Variants in CHRM2 observed in about 807,000 individuals in gnomAD.
CHRM2 encodes cholinergic receptor muscarinic 2, also known as muscarinic acetylcholine receptor M2.
Under a neutral mutation model 25.0 loss-of-function variants are expected in CHRM2, and 8 were observed. That is an observed-to-expected ratio of 0.32 (90% CI 0.19 to 0.58). The LOEUF (loss-of-function observed/expected upper bound fraction) is 0.58, where lower values mean the gene tolerates loss of function less well. Among genes scored for constraint, CHRM2 ranks in the 20% least tolerant of loss-of-function variants. CHRM2 has a pLI of 0.88. For missense variants in CHRM2, 440 were observed against 567.1 expected, an observed-to-expected ratio of 0.78 and a Z score of 2.28; for synonymous variants, 202 against 205.7, an observed-to-expected ratio of 0.98 and a Z score of 0.15.
At chr7:136,984,352 C>A (rs144404254) in intron 2 of CHRM2, among the ~76,000 whole-genome samples, 2,123 of 152,236 alleles carry the variant, frequency 0.014, 39 homozygotes, top group African/African-American at 0.049. Context: ...GAATTTCAAG[C>A]CAGTGGATCT....
At chr7:136,888,163 T>C (rs1796541989) in intron 2 of CHRM2, among the ~76,000 whole-genome samples, 1 of 152,228 alleles carries the variant, frequency 6.6e-6, no homozygotes, top group Non-Finnish European at 1.5e-5. Context: ...CTGCAATATT[T>C]AAGCAGGAGA....
At chr7:136,952,978 T>C (rs1800506629) in intron 2 of CHRM2, among the ~76,000 whole-genome samples, 1 of 152,190 alleles carries the variant, frequency 6.6e-6, no homozygotes, top group African/African-American at 2.4e-5. Context: ...CAGTCTATCA[T>C]TATGGGCATT....
At chr7:137,011,370 A>C (rs1804815432) in intron 3 of CHRM2, among the ~76,000 whole-genome samples, 1 of 151,664 alleles carries the variant, frequency 6.6e-6, no homozygotes. Context: ...GGATGGTGTA[A>C]CTCTTAGAAT....
intron 3 of CHRM2, among the ~76,000 whole-genome samples, chr7:137,000,547 A>AAGGAAGGAAAGAAGGAAGGAAG (rs1554434051): frequency 7.4e-5 from 7 of 95,206 alleles, no homozygotes; most frequent in African/African-American, 2.5e-4. Context: ...AAAGAAAGAA[A>AAGGAAGGAAAGAAGGAAGGAAG]GAAGGAAGGA....
intron 2 of CHRM2, among the ~76,000 whole-genome samples, chr7:136,894,719 G>GA (rs902130170): frequency 1.1e-4 from 17 of 151,790 alleles, no homozygotes; most frequent in African/African-American, 4.1e-4. Context: ...TTTTCAATCA[G>GA]AAAAAAATGT....
At chr7:136,967,952 T>A (rs1052110861) in intron 2 of CHRM2, among the ~76,000 whole-genome samples, 1 of 151,982 alleles carries the variant, frequency 6.6e-6, no homozygotes, top group Admixed American at 6.6e-5. Context: ...TCATTCACAC[T>A]TCATACACAA....
chr7:136,910,455 A>G (rs1212475669), intron 2 of CHRM2, among the ~76,000 whole-genome samples: 2 of 151,904 alleles, frequency 1.3e-5, no homozygotes, highest in Non-Finnish European at 2.9e-5. Context: ...AGGCCCTTAT[A>G]TGAAAGCACC....
intron 2 of CHRM2, among the ~76,000 whole-genome samples, chr7:136,920,213 G>A (rs1055571034): frequency 7.2e-5 from 11 of 152,054 alleles, no homozygotes; most frequent in African/African-American, 2.7e-4. Flanking sequence ...CTTGTCAGCT[G>A]TTGCTGTCAA....
intron 3 of CHRM2, among the ~76,000 whole-genome samples, chr7:137,010,827 C>T (rs569945545): frequency 7.4e-4 from 112 of 152,014 alleles, no homozygotes; most frequent in Admixed American, 1.6e-3. Flanking sequence ...AAACTAGCAA[C>T]CTCTGAGTGT....
intron 3 of CHRM2, among the ~76,000 whole-genome samples, chr7:137,010,160 T>C (rs1013658068): frequency 6.6e-6 from 1 of 152,092 alleles, no homozygotes. Flanking sequence ...GAAATTTAAA[T>C]GACATGCTCA....
At chr7:136,995,349 C>G (rs1803523359) in intron 3 of CHRM2, among the ~76,000 whole-genome samples, 1 of 151,904 alleles carries the variant, frequency 6.6e-6, no homozygotes, top group African/African-American at 2.4e-5. Context: ...TATTTGTATA[C>G]CGAAAAATTA....
At chr7:136,894,168 T>G in intron 2 of CHRM2, among the ~76,000 whole-genome samples, 1 of 152,250 alleles carries the variant, frequency 6.6e-6, no homozygotes, top group South Asian at 2.1e-4. Flanking sequence ...TTTAGAATGA[T>G]AAAAACAGAA....
Position 137,018,534 on chromosome 7 carries a change from G to A in CHRM2, c.*2268G>A, listed in dbSNP as rs1044921465. On this transcript the variant is annotated 3_prime_UTR_variant, in exon 4 of 4. Transcript: ENST00000680005. ...CTAGCCAAGTATTTCCCTTTTTAAT[G>A]TATTGTATTATTATTATGTAGATTT... 6.6e-6 allele frequency: 1 copy of A among 151,886 alleles called. No homozygotes were observed. The highest frequency in any genetic ancestry group is 1.9e-4 in the East Asian group (1 of 5,142). The allele number at this position is 151,886 out of a possible 1,614,324, so 9.4% of individuals were successfully genotyped here.
At chr7:136,877,193 G>A (rs1563039599) in intron 2 of CHRM2, among the ~76,000 whole-genome samples, 1 of 152,036 alleles carries the variant, frequency 6.6e-6, no homozygotes, top group Non-Finnish European at 1.5e-5. Context: ...AGAGAGCTTT[G>A]CTGTAGCCGG....
In CHRM2 at chr7:136,886,793, C is replaced by T. The variant is rs139397900; in HGVS notation, c.-125+17375C>T. Among the ~76,000 whole-genome samples, 599 of 152,140 alleles carry T rather than the reference C, an allele frequency of 3.9e-3. 2 individuals are homozygous for T. The highest frequency in any genetic ancestry group is 0.014 in the African/African-American group (567 of 41,494). ...AGGCTGAGGGGGAGGATCATTTGAG[C>T]CCCCAGCAGGTCGAGGCTGCAGTGA... is the stretch of plus-strand genomic sequence containing the variant. On this transcript the variant is annotated intron_variant, in intron 2 of 3. Transcript: ENST00000680005.
At chr7:136,938,540 G>A in intron 2 of CHRM2, 1 of 926,344 alleles carries the variant, frequency 1.1e-6, no homozygotes, top group Admixed American at 1.7e-5. Context: ...GACCGTGACT[G>A]CAGTGATCCC....
intron 2 of CHRM2, among the ~76,000 whole-genome samples, chr7:136,975,119 T>G (rs1454074793): frequency 6.6e-6 from 1 of 152,198 alleles, no homozygotes; most frequent in Non-Finnish European, 1.5e-5. Context: ...TTAAAGCTCA[T>G]AGGAGTGGAC....
chr7:136,879,584 A>G (rs1935590845), intron 2 of CHRM2, among the ~76,000 whole-genome samples: 1 of 151,948 alleles, frequency 6.6e-6, no homozygotes, highest in Admixed American at 6.6e-5. Context: ...ATATCCATCA[A>G]TATTTTTACA....
chr7:136,940,999 C>G (rs544103539), intron 2 of CHRM2, among the ~76,000 whole-genome samples: 7 of 152,260 alleles, frequency 4.6e-5, no homozygotes, highest in African/African-American at 1.4e-4. Flanking sequence ...TGACCTTGCC[C>G]AGCTAATAAT....
Sources: gnomAD v4.1 joint callset for allele counts (sites outside exome capture counted in the v4.1 genomes callset) on GRCh38, gnomAD v4.1.1 for gene constraint, MANE v1.5 for transcripts, NCBI Gene and HGNC (gene_info 2026-07-23, HGNC 2026-07-21) for gene names.